Variants in JPH2 observed in about 807,000 individuals in gnomAD.
The protein encoded by JPH2 is junctophilin-2.
JPH2 carries 38 observed loss-of-function variants against 55.9 expected under a neutral mutation model. The ratio of observed to expected loss-of-function variants is 0.68; its 90% CI spans 0.52 to 0.89. The LOEUF is 0.89. JPH2 is among the 40% of genes least tolerant of loss of function. JPH2 has a pLI of 0.00. For missense variants in JPH2, 964 were observed against 1,037.6 expected (o/e 0.93, Z 0.97); for synonymous variants, 480 against 472.4 (o/e 1.02, Z -0.21).
chr20:44,176,318 C>CTT (rs58088590), intron 1 of JPH2, among the ~76,000 whole-genome samples: 1,563 of 113,602 alleles, frequency 0.014, 52 homozygotes, highest in African/African-American at 0.041. Flanking sequence ...TCCTATCTGT[C>CTT]TTTTTTTTTT....
chr20:44,144,570 G>A (rs148209042), intron 2 of JPH2, among the ~76,000 whole-genome samples: 7 of 152,258 alleles, frequency 4.6e-5, no homozygotes, highest in African/African-American at 1.4e-4. Flanking sequence ...ACTCTCAGTC[G>A]CTCTACCATT....
In JPH2 at chr20:44,159,804, C is replaced by G; in HGVS notation, c.983G>C (p.Cys328Ser). 6.2e-7 allele frequency: 1 copy of G among 1,613,196 alleles called. No individual in the cohort carries two copies. Residue 328 changes from cysteine to serine, a missense_variant, in exon 2 of 6, where the codon TGC becomes TCC. By Grantham distance (112) the Cys-to-Ser change is moderately radical (BLOSUM62 -1). Coordinates refer to ENST00000372980, the MANE Select transcript of JPH2 (RefSeq NM_020433.5). This position sits in a 1 kb window ranked among gnomAD's most constrained non-coding sequence, Gnocchi z 5.7. ...GCGGTGGCCGTCGGGCAGCGTGGTGCAGCCATAGCCGTGGCGCAGGTTGTC... is the reference window on the plus strand; with the variant it reads ...GCGGTGGCCGTCGGGCAGCGTGGTGGAGCCATAGCCGTGGCGCAGGTTGTC... ...WLDNLRHGYG[C>S]TTLPDGHREE...
At chr20:44,127,975 CTTATTA>C (rs927347685) in intron 2 of JPH2, among the ~76,000 whole-genome samples, 44 of 152,050 alleles carry the variant, frequency 2.9e-4, no homozygotes, top group African/African-American at 8.7e-4. Flanking sequence ...TTTTTTCCTT[CTTATTA>C]TTGAGTTGTA....
chr20:44,125,917 G>C (rs1569186711), intron 2 of JPH2, among the ~76,000 whole-genome samples: 1 of 151,898 alleles, frequency 6.6e-6, no homozygotes, highest in Non-Finnish European at 1.5e-5. Flanking sequence ...CATAAAATGA[G>C]AAGTGCAGTT....
chr20:44,127,796 G>A (rs1434416212), intron 2 of JPH2, among the ~76,000 whole-genome samples: 5 of 152,048 alleles, frequency 3.3e-5, no homozygotes, highest in African/African-American at 9.7e-5. Context: ...CCCATCCTTC[G>A]TTTTGATTGT....
At chr20:44,142,216 C>T (rs1053731172) in intron 2 of JPH2, among the ~76,000 whole-genome samples, 1 of 152,202 alleles carries the variant, frequency 6.6e-6, no homozygotes, top group Admixed American at 6.5e-5. Context: ...ATAGAACTTT[C>T]AGGGATGAGG....
At chr20:44,183,063 GCA>G (rs769795670) in intron 1 of JPH2, among the ~76,000 whole-genome samples, 23 of 152,066 alleles carry the variant, frequency 1.5e-4, no homozygotes, top group Non-Finnish European at 2.6e-4. Context: ...ACAGACACGT[GCA>G]CACACAGACA....
In JPH2 at chr20:44,116,002, G is replaced by A. The variant is rs746981108; in HGVS notation, c.1673C>T (p.Pro558Leu). 2 of 1,580,168 alleles carry A rather than the reference G, an allele frequency of 1.3e-6. No homozygotes were observed. Among genetic ancestry groups the A allele is most frequent in the Non-Finnish European group, 1.7e-6 (2 of 1,171,346 alleles). ...GTAGCCCTGGTAAAGCGCCACCTCC[G>A]GCTCCCGCGACGGCGCAGGCGGTGC... ...LQAPPAPSRE[P>L]EVALYQGYHS... The change falls in exon 4 of 6, where the codon CCG becomes CTG. Residue 558 changes from proline to leucine, a missense_variant. Transcript: ENST00000372980.
intron 3 of JPH2, 149 bp from the exon 4 acceptor site, chr20:44,116,535 T>C (rs2072194416): frequency 2.3e-6 from 2 of 852,250 alleles, no homozygotes; most frequent in African/African-American, 1.7e-5. Flanking sequence ...TTCCAAGCAC[T>C]TTCCAAATAT....
At chr20:44,117,669 G>A (rs1478570026) in intron 3 of JPH2, among the ~76,000 whole-genome samples, 3 of 152,308 alleles carry the variant, frequency 2.0e-5, no homozygotes, top group African/African-American at 7.2e-5. Flanking sequence ...GAGACCCACT[G>A]ACTTGATAGA....
chr20:44,149,279 C>T (rs1318259957), intron 2 of JPH2, among the ~76,000 whole-genome samples: 1 of 152,166 alleles, frequency 6.6e-6, no homozygotes, highest in Non-Finnish European at 1.5e-5. Context: ...GACGCCCAGC[C>T]TACAGCCTAG....
intron 2 of JPH2, among the ~76,000 whole-genome samples, chr20:44,126,329 C>T (rs1225512713): frequency 6.6e-6 from 1 of 152,124 alleles, no homozygotes; most frequent in African/African-American, 2.4e-5. Flanking sequence ...GCCCAGGAAT[C>T]CCATGGTAGG....
At position 44,112,404 on chromosome 20, in the gene JPH2, G is replaced by C. The variant is rs1274976098; in HGVS notation, c.*1114C>G. The C allele has an allele frequency of 6.6e-6, 1 of 152,068 alleles. No homozygotes were observed. Among genetic ancestry groups the C allele is most frequent in the Non-Finnish European group, 1.5e-5 (1 of 68,062 alleles). The allele number at this position is 152,068 out of a possible 1,614,324, so 9.4% of individuals were successfully genotyped here. A position where few individuals can be genotyped will look rare whatever the true frequency, so the allele number is the denominator to read the frequency against. ...ACATCTTTAAGTGAGGTACATCCAA[G>C]TAGCCATCTTCTACCAAGTAAGCCA... On this transcript the variant is annotated 3_prime_UTR_variant, in exon 6 of 6. Coordinates refer to ENST00000372980, the MANE Select transcript of JPH2 (RefSeq NM_020433.5).
In JPH2 at chr20:44,114,864, T is replaced by A. The variant is rs1331983669; in HGVS notation, c.2023A>T (p.Ile675Phe). ...EVEVEEVPNT[I>F]LICMVILLNI... ...AGCAGGATCACCATGCAGATGAGGATGGTGTTGGGGACCTGGGAGCAGTGG... is the reference window on the plus strand; with the variant it reads ...AGCAGGATCACCATGCAGATGAGGAAGGTGTTGGGGACCTGGGAGCAGTGG... The change falls in exon 5 of 6, where the codon ATC becomes TTC. Residue 675 changes from isoleucine to phenylalanine, a missense_variant. Coordinates refer to ENST00000372980, the MANE Select transcript of JPH2 (RefSeq NM_020433.5). 1 of 1,603,900 alleles carries A rather than the reference T, an allele frequency of 6.2e-7. No individual in the cohort carries two copies. Among genetic ancestry groups the A allele is most frequent in the Admixed American group, 1.7e-5 (1 of 58,374 alleles).
chr20:44,113,711 CTGTT>C (rs1230307235), intron 5 of JPH2, among the ~76,000 whole-genome samples: 2 of 152,248 alleles, frequency 1.3e-5, no homozygotes, highest in Non-Finnish European at 2.9e-5. Flanking sequence ...GGCTGCCTGC[CTGTT>C]TATTTACACA....
chr20:44,180,906 C>T (rs747406648), intron 1 of JPH2, among the ~76,000 whole-genome samples: 6 of 151,918 alleles, frequency 3.9e-5, no homozygotes, highest in Non-Finnish European at 7.4e-5. Flanking sequence ...CCAGAGTCCG[C>T]GAGTGTCTCG....
intron 1 of JPH2, chr20:44,178,002 G>A: frequency 1.1e-6 from 1 of 924,926 alleles, no homozygotes; most frequent in East Asian, 2.4e-5. Flanking sequence ...AGAAGCTCAG[G>A]GAGGTTACAT....
chr20:44,147,155 G>C (rs919787346), intron 2 of JPH2, among the ~76,000 whole-genome samples: 2 of 152,184 alleles, frequency 1.3e-5, no homozygotes, highest in African/African-American at 2.4e-5. Flanking sequence ...GTAAATGTCA[G>C]GAGTCAGTCC....
chr20:44,164,823 G>A (rs1600861039), intron 1 of JPH2, among the ~76,000 whole-genome samples: 8 of 143,270 alleles, frequency 5.6e-5, no homozygotes, highest in Admixed American at 1.4e-4. Flanking sequence ...GAAATGTTCT[G>A]CACCTTTTTT....
Sources: gnomAD v4.1 joint callset for allele counts (sites outside exome capture counted in the v4.1 genomes callset) on GRCh38, gnomAD v4.1.1 for gene constraint, Gnocchi (gnomAD v3.1) non-coding constraint, MANE v1.5 for transcripts, NCBI Gene and HGNC (gene_info 2026-07-23, HGNC 2026-07-21) for gene names.